Variants in FNDC1 observed in about 807,000 individuals in gnomAD.
FNDC1 encodes fibronectin type III domain containing 1, also known as fibronectin type III domain-containing protein 1.
Under a neutral mutation model 168.0 loss-of-function variants are expected in FNDC1, and 96 were observed. The ratio of observed to expected loss-of-function variants is 0.57; its 90% CI spans 0.48 to 0.68. The LOEUF (loss-of-function observed/expected upper bound fraction) is 0.68, where lower values mean the gene tolerates loss of function less well. Ranked by LOEUF, FNDC1 falls within the 30% of genes least tolerant of loss-of-function variation. The pLI, the probability that FNDC1 is intolerant of heterozygous loss-of-function variation, is 0.00. For missense variants in FNDC1, 2,587 were observed against 2,482.1 expected (o/e 1.04, Z -0.90); for synonymous variants, 1,099 against 1,025.9 (o/e 1.07, Z -1.36).
In FNDC1 at chr6:159,233,843, C is replaced by A; in HGVS notation, c.3331C>A (p.Gln1111Lys). 6.5e-7 allele frequency: 1 copy of A among 1,544,634 alleles called. No individual in the cohort carries two copies. The highest frequency in any genetic ancestry group is 8.7e-7 in the Non-Finnish European group (1 of 1,144,268). Residue 1111 changes from glutamine to lysine, a missense_variant, in exon 11 of 23, where the codon CAG (glutamine) becomes AAG (lysine). Physicochemically the swap from Gln to Lys is moderately conservative, Grantham distance 53 (BLOSUM62 1). Coordinates refer to ENST00000297267, the MANE Select transcript of FNDC1 (RefSeq NM_032532.3). The surrounding 1 kb of genome is among the most constrained non-coding windows in gnomAD (Gnocchi z 4.6). Reference sequence around the variant, plus strand: ...GGCAGCTGCGTCCCTTCCCAAGCACCAGCAGGTGGAGTCTCCCACAGGCGC... The same window carrying A: ...GGCAGCTGCGTCCCTTCCCAAGCACAAGCAGGTGGAGTCTCCCACAGGCGC... ...KEAAASLPKH[Q>K]QVESPTGAGA...
At chr6:159,200,308 G>C (rs1782348719) in intron 3 of FNDC1, among the ~76,000 whole-genome samples, 1 of 152,190 alleles carries the variant, frequency 6.6e-6, no homozygotes, top group Non-Finnish European at 1.5e-5. Flanking sequence ...CAGATGTTTT[G>C]AATACTTACT....
intron 12 of FNDC1, among the ~76,000 whole-genome samples, chr6:159,237,356 G>A (rs933800643): frequency 3.3e-5 from 5 of 152,162 alleles, no homozygotes; most frequent in Non-Finnish European, 5.9e-5. Context: ...TCAAATACAA[G>A]TCTCGGGTAG....
chr6:159,227,166 T>C (rs1185788260), intron 9 of FNDC1, among the ~76,000 whole-genome samples: 1 of 152,226 alleles, frequency 6.6e-6, no homozygotes, highest in Non-Finnish European at 1.5e-5. Flanking sequence ...TAAAATAGTC[T>C]GTTGAGAATA....
intron 18 of FNDC1, among the ~76,000 whole-genome samples, chr6:159,256,846 T>C (rs889556437): frequency 6.6e-6 from 1 of 152,248 alleles, no homozygotes; most frequent in African/African-American, 2.4e-5. Flanking sequence ...CTACTGTGCT[T>C]ATATTTTCCT....
chr6:159,220,773 A>G (rs567373755), intron 5 of FNDC1, among the ~76,000 whole-genome samples: 1 of 152,124 alleles, frequency 6.6e-6, no homozygotes, highest in African/African-American at 2.4e-5. Flanking sequence ...ATCCGTGCAG[A>G]CTCAAGACCC....
chr6:159,255,510 C>T (rs11756907), intron 17 of FNDC1, among the ~76,000 whole-genome samples: 50,661 of 152,026 alleles, frequency 0.33, 10,125 homozygotes, highest in Non-Finnish European at 0.45. Context: ...GTGCACCCTG[C>T]GGCTTCATGA....
intron 1 of FNDC1, among the ~76,000 whole-genome samples, chr6:159,185,724 T>C (rs929444761): frequency 3.9e-5 from 6 of 152,214 alleles, no homozygotes; most frequent in Non-Finnish European, 7.3e-5. Flanking sequence ...CCCTTTAAAA[T>C]GCTTTCTGAG....
intron 1 of FNDC1, among the ~76,000 whole-genome samples, chr6:159,187,276 G>T (rs879450819): frequency 6.6e-6 from 1 of 152,162 alleles, no homozygotes; most frequent in African/African-American, 2.4e-5. Context: ...TGTAGGACAC[G>T]ATCTGCTTCC....
intron 12 of FNDC1, among the ~76,000 whole-genome samples, chr6:159,237,818 A>G (rs1020679393): frequency 5.9e-5 from 9 of 152,214 alleles, no homozygotes; most frequent in Non-Finnish European, 1.3e-4. Flanking sequence ...AAATGGATAT[A>G]TCTTTATTTT....
intron 1 of FNDC1, among the ~76,000 whole-genome samples, chr6:159,194,509 C>G (rs537800470): frequency 6.6e-6 from 1 of 152,308 alleles, no homozygotes; most frequent in Admixed American, 6.5e-5. Flanking sequence ...AAACAAGGGA[C>G]TCACTTTGTC....
In FNDC1 at chr6:159,169,645, T is replaced by A; in HGVS notation, c.49T>A (p.Trp17Arg). Residue 17 changes from tryptophan (W) to arginine (R), a missense_variant, in exon 1 of 23, where the codon TGG becomes AGG. Physicochemically the swap from Trp to Arg is moderately radical, Grantham distance 101. Transcript: ENST00000297267. The surrounding 1 kb of genome is among the most constrained non-coding windows in gnomAD (Gnocchi z 6.8). ...CCTGCGCGCGCCGCGCCGGCTGTCC[T>A]GGGCGGCGCTGCTGCTCTTGGCCGC... ...ATLRAPRRLS[W>R]AALLLLAALL... The A allele has an allele frequency of 8.6e-7, 1 of 1,157,128 alleles. No individual in the cohort carries two copies. The highest frequency in any genetic ancestry group is 1.1e-6 in the Non-Finnish European group (1 of 941,234). 71.7% of individuals were successfully genotyped at this position (1,157,128 alleles called of 1,614,324 possible).
Position 159,234,133 on chromosome 6 carries a change from C to T in FNDC1, c.3621C>T (p.Ser1207=). 1 of 1,602,818 alleles carries T rather than the reference C, an allele frequency of 6.2e-7. No individual in the cohort carries two copies. The highest frequency in any genetic ancestry group is 8.5e-7 in the Non-Finnish European group (1 of 1,174,538). The change falls in exon 11 of 23, where the codon TCC becomes TCT. Residue 1207 remains serine (S), a synonymous_variant. Transcript: ENST00000297267. ...SSSVPKWPSS[S]TPRGGKDADG... ...CTGTGCCAAAGTGGCCCTCTTCCTC[C>T]ACTCCCAGGGGCGGCAAAGACGCCG...
Position 159,232,466 on chromosome 6 carries a change from C to T in FNDC1, c.1954C>T (p.Arg652Cys), listed in dbSNP as rs552768977. ...NDLVDSDEDE[R>C]AVGSLHPKGA... ...CTTGGTGGACTCAGACGAAGATGAGCGCGCTGTGGGCTCCCTCCACCCCAA... is the reference window on the plus strand; with the variant it reads ...CTTGGTGGACTCAGACGAAGATGAGTGCGCTGTGGGCTCCCTCCACCCCAA... The change falls in exon 11 of 23, where the codon CGC (arginine) becomes TGC (cysteine). Residue 652 changes from arginine to cysteine, a missense_variant. By Grantham distance (180) the Arg-to-Cys change is radical. Transcript: ENST00000297267. This position sits in a 1 kb window ranked among gnomAD's most constrained non-coding sequence, Gnocchi z 4.9. 88 of 1,612,076 alleles carry T rather than the reference C, an allele frequency of 5.5e-5. No individual in the cohort carries two copies. The East Asian group carries it at 9.8e-4, about 18-fold the overall frequency.
chr6:159,254,632 C>T (rs548644850), intron 17 of FNDC1, among the ~76,000 whole-genome samples: 225 of 150,562 alleles, frequency 1.5e-3, no homozygotes, highest in African/African-American at 5.2e-3. Flanking sequence ...GGTGTGAACC[C>T]GGGAGGTGGA....
rs1423978257 is a variant in FNDC1 at position 159,197,455 on chromosome 6, A to G, written c.134A>G (p.His45Arg). ...GTTGACCACCCACTGAAGCCAAGGC[A>G]TGTGAAACTGCTGTCCACTAAAATG... ...ASVDHPLKPR[H>R]VKLLSTKMGL... The change falls in exon 2 of 23, where the codon CAT (histidine) becomes CGT (arginine). Residue 45 changes from histidine (H) to arginine (R), a missense_variant. His to Arg is a conservative substitution (Grantham distance 29, BLOSUM62 0). Coordinates refer to ENST00000297267, the MANE Select transcript of FNDC1 (RefSeq NM_032532.3). 1.2e-6 allele frequency: 2 copies of G among 1,613,480 alleles called. No individual in the cohort carries two copies. The highest frequency in any genetic ancestry group is 1.7e-6 in the Non-Finnish European group (2 of 1,179,750).
chr6:159,257,442 C>T lies in FNDC1; in HGVS notation c.5174+811C>T, dbSNP rs533940456. 2.8e-4 allele frequency among the ~76,000 whole-genome samples: 43 copies of T among 152,350 alleles called. No homozygotes were observed. In the South Asian group the frequency reaches 7.0e-3, roughly 25 times the overall value. On this transcript the variant is annotated intron_variant, in intron 18 of 22. Coordinates refer to ENST00000297267, the MANE Select transcript of FNDC1 (RefSeq NM_032532.3). ...TGCAGACTTCCTGAATACTTAATGA[C>T]TGGCTCTCACAAGCTGGTACAAATG... is the stretch of plus-strand genomic sequence containing the variant.
At chr6:159,256,433 C>A in intron 17 of FNDC1, 90 bp from the exon 18 acceptor site, 1 of 910,244 alleles carries the variant, frequency 1.1e-6, no homozygotes, top group Non-Finnish European at 1.8e-6. Context: ...GCATCTGCAG[C>A]TTTGCCTCAC....
At chr6:159,199,892 G>T (rs1340515730) in intron 2 of FNDC1, 104 bp from the exon 3 acceptor site, 3 of 932,062 alleles carry the variant, frequency 3.2e-6, no homozygotes, top group African/African-American at 3.3e-5. Flanking sequence ...TTTTGTATTT[G>T]GTTATAACTG....
In FNDC1 at chr6:159,200,579, C is replaced by A. The variant is rs374300451; in HGVS notation, c.458C>A (p.Thr153Lys). 19 of 1,588,792 alleles carry A rather than the reference C, an allele frequency of 1.2e-5. No individual in the cohort carries two copies. The highest frequency in any genetic ancestry group is 1.7e-4 in the Middle Eastern group (1 of 6,046). The change falls in exon 4 of 23, where the codon ACA becomes AAA. Residue 153 changes from threonine to lysine, a missense_variant and splice_region_variant. Coordinates refer to ENST00000297267, the MANE Select transcript of FNDC1 (RefSeq NM_032532.3). ...KGPGPFNETVTEKEVPNKPLR... is the reference protein window; with the variant it reads ...KGPGPFNETVKEKEVPNKPLR... ...CCAGGACCATTTAATGAAACCGTCA[C>A]AGGTACTACTTCCTCCTTCATGTCA...
Sources: gnomAD v4.1 joint callset for allele counts (sites outside exome capture counted in the v4.1 genomes callset) on GRCh38, gnomAD v4.1.1 for gene constraint, Gnocchi (gnomAD v3.1) non-coding constraint, MANE v1.5 for transcripts, NCBI Gene and HGNC (gene_info 2026-07-23, HGNC 2026-07-21) for gene names.